The following TMEM63A variants were observed in gnomAD, a reference collection of about 807,000 sequenced individuals.
TMEM63A encodes transmembrane protein 63A.
A neutral mutation model predicts 100.6 loss-of-function variants in TMEM63A; 76 were observed. That is an observed-to-expected ratio of 0.76 (90% CI 0.63 to 0.91). The LOEUF (loss-of-function observed/expected upper bound fraction) is 0.91, where lower values mean the gene tolerates loss of function less well. Among genes scored for constraint, TMEM63A ranks in the 40% least tolerant of loss-of-function variants. The probability of loss-of-function intolerance (pLI) is 0.00; values close to 1 mark genes in which losing one functional copy is unlikely to be tolerated. For synonymous variants in TMEM63A, 401 were observed against 401.1 expected, an observed-to-expected ratio of 1.00 and a Z score of 0.00; for missense variants, 876 against 1,008.8, an observed-to-expected ratio of 0.87 and a Z score of 1.78.
intron 1 of TMEM63A, among the ~76,000 whole-genome samples, chr1:225,880,614 CT>C (rs1467329298): frequency 6.6e-6 from 1 of 152,172 alleles, no homozygotes; most frequent in Middle Eastern, 3.2e-3. Flanking sequence ...CATTCATCCC[CT>C]TATTCCTACT....
rs1559046324 is a variant in TMEM63A at position 225,867,174 on chromosome 1, G to T, written c.515-11C>A. 1 of 1,614,122 alleles carries T rather than the reference G, an allele frequency of 6.2e-7. No homozygotes were observed. The highest frequency in any genetic ancestry group is 1.7e-5 in the Admixed American group (1 of 60,008). On this transcript the variant is annotated splice_polypyrimidine_tract_variant and intron_variant, in intron 7 of 24. Transcript: ENST00000366835. The surrounding 1 kb of genome is among the most constrained non-coding windows in gnomAD (Gnocchi z 4.6). ...TATACGGGTCTTTGTCTGCAGAGAA[G>T]CACAGATACTTAGTTCCAGGGTCAT... is the stretch of plus-strand genomic sequence containing the variant.
rs964643278 is a variant in TMEM63A at position 225,859,101 on chromosome 1, G to A, written c.1377+95C>T. The A allele has an allele frequency of 2.4e-5, 38 of 1,554,730 alleles. No individual in the cohort carries two copies. The East Asian group carries it at 2.9e-4, about 12-fold the overall frequency. On this transcript the variant is annotated intron_variant, in intron 15 of 24. Coordinates refer to ENST00000366835, the MANE Select transcript of TMEM63A (RefSeq NM_014698.3). ...ACATGACCCACTGGTTTAGTTCCCC[G>A]CACACACCCCACTCCTGTCCCCACT...
Position 225,846,481 on chromosome 1 carries a change from C to T in TMEM63A, c.*458G>A, listed in dbSNP as rs41310555. On this transcript the variant is annotated 3_prime_UTR_variant, in exon 25 of 25. Transcript: ENST00000366835. ...CCCAACCTGTTCCCCATAGCTTACT[C>T]CTGGATGTAGCCTGGAGGGACTGCT... 0.011 allele frequency: 1,725 copies of T among 153,102 alleles called. 17 individuals carry two copies. Among genetic ancestry groups the T allele is most frequent in the Non-Finnish European group, 0.019 (1,289 of 68,634 alleles). 9.5% of individuals were successfully genotyped at this position (153,102 alleles called of 1,614,324 possible).
chr1:225,871,285 G>T (rs941468702), intron 5 of TMEM63A, among the ~76,000 whole-genome samples, 172 bp from the exon 6 acceptor site: 1 of 152,198 alleles, frequency 6.6e-6, no homozygotes, highest in African/African-American at 2.4e-5. Flanking sequence ...TACACCACAT[G>T]CCTGGAACTC....
rs901459139 is a variant in TMEM63A, at chr1:225,846,975, G to A, written c.*7-43C>T. ...AAGTCATGAACTTGGGAGTCAGGCC[G>A]CTTCACCTGTCTTCTCACCCCACAG... On this transcript the variant is annotated intron_variant, in intron 24 of 24. Coordinates refer to ENST00000366835, the MANE Select transcript of TMEM63A (RefSeq NM_014698.3). 2.6e-5 allele frequency: 39 copies of A among 1,520,484 alleles called. No individual in the cohort carries two copies. In the East Asian group the frequency reaches 7.5e-4, roughly 29 times the overall value. 94.2% of individuals were successfully genotyped at this position (1,520,484 alleles called of 1,614,324 possible). A position where few individuals can be genotyped will look rare whatever the true frequency, so the allele number is the denominator to read the frequency against.
chr1:225,845,653 A>T lies in TMEM63A; in HGVS notation c.*1286T>A, dbSNP rs1006401560. The T allele has an allele frequency of 1.7e-5, 8 of 478,180 alleles. No individual in the cohort carries two copies. Among genetic ancestry groups the T allele is most frequent in the Non-Finnish European group, 3.1e-5 (8 of 260,356 alleles). The allele number at this position is 478,180 out of a possible 1,614,324, so 29.6% of individuals were successfully genotyped here. On this transcript the variant is annotated 3_prime_UTR_variant, in exon 25 of 25. Coordinates refer to ENST00000366835, the MANE Select transcript of TMEM63A (RefSeq NM_014698.3). The stretch of plus-strand genomic sequence containing the variant: ...CTGGCCGGCCCCTCCTTGCTGGCAG[A>T]GGCACGGGAGGCCTGCTGGGGATGA...
intron 4 of TMEM63A, among the ~76,000 whole-genome samples, chr1:225,874,029 T>C (rs968390240): frequency 1.3e-5 from 2 of 152,208 alleles, no homozygotes; most frequent in Admixed American, 6.5e-5. Flanking sequence ...GCTGACCTCA[T>C]GGGTCTGTGG....
intron 4 of TMEM63A, 88 bp downstream of exon 4, chr1:225,874,198 ATG>A (rs1670659235): frequency 2.2e-5 from 28 of 1,262,792 alleles, no homozygotes; most frequent in Non-Finnish European, 2.9e-5. Flanking sequence ...ACACACATAT[ATG>A]CACACACGCA....
intron 13 of TMEM63A, 157 bp from the exon 14 acceptor site, chr1:225,861,154 C>A (rs774677812): frequency 2.1e-4 from 151 of 727,814 alleles, no homozygotes; most frequent in Admixed American, 5.6e-4. Flanking sequence ...AGAGGTGCCA[C>A]GCTAGCACAG....
Position 225,867,994 on chromosome 1 carries a change from G to A in TMEM63A, c.408C>T (p.Ala136=). The part of the protein sequence containing the change: ...DQILEWCGED[A]IHYLSFQRHI... ...GCCTCTGGAAGGACAGGTAGTGGAT[G>A]GCGTCCTCCCCACACCATTCCAGGA... The change falls in exon 7 of 25, where the codon GCC becomes GCT. Residue 136 remains alanine (A), a synonymous_variant. Transcript: ENST00000366835. This position sits in a 1 kb window ranked among gnomAD's most constrained non-coding sequence, Gnocchi z 4.6. The A allele has an allele frequency of 6.2e-7, 1 of 1,614,162 alleles. No individual in the cohort carries two copies. Among genetic ancestry groups the A allele is most frequent in the South Asian group, 1.1e-5 (1 of 91,086 alleles).
rs1669580051 is a variant in TMEM63A at position 225,855,740 on chromosome 1, A to G, written c.1634+138T>C. 3 of 812,176 alleles carry G rather than the reference A, an allele frequency of 3.7e-6. 1 individual carries two copies. The highest frequency in any genetic ancestry group is 3.8e-5 in the South Asian group (2 of 52,430). 50.3% of individuals were successfully genotyped at this position (812,176 alleles called of 1,614,324 possible). ...CTGGCAGGGTGGAGGTGAGGCCCCAAGCCCTGCTGTCTGGGGAGGAAGATG... is the reference window on the plus strand; with the variant it reads ...CTGGCAGGGTGGAGGTGAGGCCCCAGGCCCTGCTGTCTGGGGAGGAAGATG... On this transcript the variant is annotated intron_variant, in intron 18 of 24. Coordinates refer to ENST00000366835, the MANE Select transcript of TMEM63A (RefSeq NM_014698.3).
At chr1:225,846,992 A>AC in intron 24 of TMEM63A, 42 bp downstream of exon 24, 3 of 1,557,644 alleles carry the variant, frequency 1.9e-6, no homozygotes, top group Non-Finnish European at 2.6e-6. Flanking sequence ...CTGTCTTCTC[A>AC]CCCCACAGGC....
rs764950390 is a variant in TMEM63A, at chr1:225,848,987, G to A, written c.2097C>T (p.Phe699=). 87 of 1,406,488 alleles carry A rather than the reference G, an allele frequency of 6.2e-5. 3 individuals carry two copies. In the South Asian group the frequency reaches 9.8e-4, roughly 16 times the overall value. 87.1% of individuals were successfully genotyped at this position (1,406,488 alleles called of 1,614,324 possible). A position where few individuals can be genotyped will look rare whatever the true frequency, so the allele number is the denominator to read the frequency against. ...TGGTGAGCAGCAGCACCAGGAAGGT[G>A]AACAGAGTGGCGGGGGCCTTCATAC... ...RLGMKAPATL[F]TFLVLLLTIL... is the part of the protein sequence containing the mutation. The change falls in exon 22 of 25, where the codon TTC becomes TTT. Residue 699 remains phenylalanine (F), a synonymous_variant. Coordinates refer to ENST00000366835, the MANE Select transcript of TMEM63A (RefSeq NM_014698.3).
chr1:225,849,331 C>T (rs996930705), intron 21 of TMEM63A, among the ~76,000 whole-genome samples: 1 of 152,148 alleles, frequency 6.6e-6, no homozygotes, highest in Non-Finnish European at 1.5e-5. Flanking sequence ...TCTCCAGTGC[C>T]CTGGGCTAGA....
rs1449111506 is a variant in TMEM63A, at chr1:225,877,521, C to A, written c.60G>T (p.Gln20His). The change falls in exon 3 of 25, where the codon CAG (glutamine) becomes CAT (histidine). Residue 20 changes from glutamine (Q) to histidine (H), a missense_variant. Around this residue, in one of 5 missense-constraint regions of TMEM63A, gnomAD observed 43 missense variants for 48.9 expected, o/e 0.88. Coordinates refer to ENST00000366835, the MANE Select transcript of TMEM63A (RefSeq NM_014698.3). ...CGTTGGGCCGGTCCCCGAGTCCCAG[C>A]TGCTCCCTGATGGACACTGCCTTGG... is the stretch of plus-strand genomic sequence containing the variant. ...WQSKAVSIRE[Q>H]LGLGDRPNDS... 1.9e-6 allele frequency: 3 copies of A among 1,614,088 alleles called. No individual in the cohort carries two copies. The highest frequency in any genetic ancestry group is 1.1e-5 in the South Asian group (1 of 91,082).
Position 225,853,899 on chromosome 1 carries a change from C to T in TMEM63A, c.1635-108G>A, listed in dbSNP as rs1016941942. 9.1e-7 allele frequency: 1 copy of T among 1,098,390 alleles called. No individual in the cohort carries two copies. Among genetic ancestry groups the T allele is most frequent in the African/African-American group, 1.6e-5 (1 of 62,912 alleles). 68.0% of individuals were successfully genotyped at this position (1,098,390 alleles called of 1,614,324 possible). A position where few individuals can be genotyped will look rare whatever the true frequency, so the allele number is the denominator to read the frequency against. Reference sequence around the variant, plus strand: ...AAAGCCCCTGGGAGGGCTGTATACTCTTCCGTTCATTCAGCACATATTTGG... The same window carrying T: ...AAAGCCCCTGGGAGGGCTGTATACTTTTCCGTTCATTCAGCACATATTTGG... On this transcript the variant is annotated intron_variant, in intron 18 of 24. Coordinates refer to ENST00000366835, the MANE Select transcript of TMEM63A (RefSeq NM_014698.3). The surrounding 1 kb of genome is among the most constrained non-coding windows in gnomAD (Gnocchi z 4.0).
rs547841434 is a variant in TMEM63A, at chr1:225,853,761, G to C, written c.1665C>G (p.Phe555Leu). ...CCGAGGCGATGACATAGTTCACAAA[G>C]AAGGCACCCTGGTCAGGCAGGAAGA... ...ECVFLPDQGA[F>L]FVNYVIASAF... Residue 555 changes from phenylalanine (F) to leucine (L), a missense_variant, in exon 19 of 25, where the codon TTC (phenylalanine) becomes TTG (leucine). This residue lies in a region of TMEM63A where 339 missense variants were observed against 342.3 expected (regional missense o/e 0.99). Coordinates refer to ENST00000366835, the MANE Select transcript of TMEM63A (RefSeq NM_014698.3). This position sits in a 1 kb window ranked among gnomAD's most constrained non-coding sequence, Gnocchi z 4.0. 1 of 1,608,536 alleles carries C rather than the reference G, an allele frequency of 6.2e-7. No individual in the cohort carries two copies. The highest frequency in any genetic ancestry group is 8.5e-7 in the Non-Finnish European group (1 of 1,177,422).
intron 8 of TMEM63A, 156 bp from the exon 9 acceptor site, chr1:225,866,838 C>A: frequency 1.4e-6 from 1 of 720,910 alleles, no homozygotes. Flanking sequence ...GCCAGCACCC[C>A]TCAGCCCACA....
intron 23 of TMEM63A, chr1:225,848,288 C>A (rs1669125203): frequency 3.4e-6 from 2 of 592,168 alleles, no homozygotes; most frequent in East Asian, 5.7e-5. Context: ...AGACAAGACT[C>A]TATCTCCTCA....
Sources: gnomAD v4.1 joint callset for allele counts (sites outside exome capture counted in the v4.1 genomes callset) on GRCh38, gnomAD v4.1.1 for gene constraint, gnomAD v4.1.1 regional missense constraint, Gnocchi (gnomAD v3.1) non-coding constraint, MANE v1.5 for transcripts, NCBI Gene and HGNC (gene_info 2026-07-23, HGNC 2026-07-21) for gene names.